The following COL11A1 variants were observed in gnomAD, a reference collection of about 807,000 sequenced individuals.
COL11A1 encodes the protein collagen type XI alpha 1 chain.
COL11A1 carries 74 observed loss-of-function variants against 265.2 expected under a neutral mutation model. That is an observed-to-expected ratio of 0.28 (90% CI 0.23 to 0.34). The LOEUF (loss-of-function observed/expected upper bound fraction) is 0.34, where lower values mean the gene tolerates loss of function less well. Ranked by LOEUF, COL11A1 falls within the 10% of genes least tolerant of loss-of-function variation. The pLI is 1.00. For missense variants in COL11A1, 2,165 were observed against 2,263.6 expected (o/e 0.96, Z 0.88); for synonymous variants, 816 against 727.6 (o/e 1.12, Z -1.96).
At chr1:102,973,738 T>C (rs968629279) in intron 36 of COL11A1, among the ~76,000 whole-genome samples, 2 of 152,276 alleles carry the variant, frequency 1.3e-5, no homozygotes, top group East Asian at 3.9e-4. Flanking sequence ...TTCTATAACC[T>C]TGTAATACAG....
chr1:102,981,212 T>C (rs966205490), intron 31 of COL11A1, among the ~76,000 whole-genome samples: 4 of 152,096 alleles, frequency 2.6e-5, no homozygotes. Context: ...AGAACAATTA[T>C]TAGGATGTGT....
chr1:103,012,563 C>A (rs1321605007), intron 13 of COL11A1, 94 bp from the exon 14 acceptor site: 3 of 883,608 alleles, frequency 3.4e-6, no homozygotes, highest in African/African-American at 3.3e-5. Flanking sequence ...TTAAGTAATA[C>A]ATGATCAACA....
At chr1:103,045,754 G>A (rs78875819) in intron 4 of COL11A1, among the ~76,000 whole-genome samples, 4,845 of 151,050 alleles carry the variant, frequency 0.032, 109 homozygotes, top group Middle Eastern at 0.087. Flanking sequence ...ATCTCCTAAT[G>A]CTATCCCTCC....
intron 1 of COL11A1, among the ~76,000 whole-genome samples, chr1:103,105,138 C>T (rs1044626524): frequency 1.3e-5 from 2 of 151,778 alleles, no homozygotes; most frequent in South Asian, 2.1e-4. Flanking sequence ...AAAACCCTTA[C>T]ATAAACTCAT....
At chr1:102,958,237 C>T (rs1384261679) in intron 41 of COL11A1, among the ~76,000 whole-genome samples, 1 of 152,008 alleles carries the variant, frequency 6.6e-6, no homozygotes, top group Non-Finnish European at 1.5e-5. Context: ...AATACTTCCC[C>T]TTTAATATTT....
At chr1:102,957,233 T>G (rs12136748) in intron 41 of COL11A1, among the ~76,000 whole-genome samples, 1 of 152,092 alleles carries the variant, frequency 6.6e-6, no homozygotes, top group South Asian at 2.1e-4. Flanking sequence ...TATAAATGAA[T>G]AGATAGAACA....
At chr1:102,883,099 A>G (rs1460198567) in intron 64 of COL11A1, 100 bp downstream of exon 64, 15 of 813,480 alleles carry the variant, frequency 1.8e-5, no homozygotes, top group Non-Finnish European at 2.8e-5. Context: ...AGAAAAGCAG[A>G]TAAATGAAAA....
At chr1:102,963,717 CT>C (rs1172270674) in intron 38 of COL11A1, among the ~76,000 whole-genome samples, 26 of 151,992 alleles carry the variant, frequency 1.7e-4, no homozygotes, top group Non-Finnish European at 2.8e-4. Flanking sequence ...GTTTAAATTT[CT>C]TTAATTATAC....
intron 54 of COL11A1, among the ~76,000 whole-genome samples, chr1:102,909,918 T>C (rs913551728): frequency 6.6e-6 from 1 of 151,966 alleles, no homozygotes; most frequent in Non-Finnish European, 1.5e-5. Flanking sequence ...TAATAAAGAA[T>C]AAAAATTTGC....
rs1232967796 is a variant in COL11A1 at position 102,915,671 on chromosome 1, T to G, written c.3776A>C (p.Glu1259Ala). 7 of 1,612,592 alleles carry G rather than the reference T, an allele frequency of 4.3e-6. No homozygotes were observed. In the South Asian group the frequency reaches 4.4e-5, roughly 10 times the overall value. Residue 1259 changes from glutamate (E) to alanine (A), a missense_variant, in exon 50 of 67, where the codon GAA becomes GCA. Transcript: ENST00000370096. ...GGVGEKGEPGEAGNPGPPGEA... is the reference protein window; with the variant it reads ...GGVGEKGEPGAAGNPGPPGEA... ...CCCAGGAGGCCCTGGGTTCCCTGCT[T>G]CTCCAGGTTCACCCTATATAGAGAA... is the stretch of plus-strand genomic sequence containing the variant.
chr1:102,925,894 T>C (rs1410411858), intron 46 of COL11A1, among the ~76,000 whole-genome samples: 1 of 152,072 alleles, frequency 6.6e-6, no homozygotes, highest in African/African-American at 2.4e-5. Flanking sequence ...ACATTCCTTA[T>C]TTTTTGTCCA....
chr1:102,905,441 G>A (rs929350427), intron 54 of COL11A1, among the ~76,000 whole-genome samples: 1 of 148,910 alleles, frequency 6.7e-6, no homozygotes, highest in Admixed American at 6.8e-5. Context: ...AGGAAGAAAA[G>A]AAGGAGGGAG....
intron 54 of COL11A1, among the ~76,000 whole-genome samples, chr1:102,900,170 A>C (rs776758039): frequency 6.6e-6 from 1 of 152,252 alleles, no homozygotes; most frequent in South Asian, 2.1e-4. Flanking sequence ...TCATTCCTAT[A>C]ACTATCTATT....
chr1:102,984,084 A>ATTAATATT (rs1663301042), intron 31 of COL11A1, 54 bp downstream of exon 31: 2 of 1,201,478 alleles, frequency 1.7e-6, no homozygotes, highest in Non-Finnish European at 2.5e-6. Flanking sequence ...ATCATAAGTG[A>ATTAATATT]TTAATATTAT....
intron 41 of COL11A1, among the ~76,000 whole-genome samples, chr1:102,961,331 G>T: frequency 6.6e-6 from 1 of 152,058 alleles, no homozygotes; most frequent in East Asian, 1.9e-4. Flanking sequence ...ATTAAATAAA[G>T]CAATATGCAT....
chr1:102,996,941 T>C lies in COL11A1; in HGVS notation c.2241+139A>G, dbSNP rs981338238. The C allele has an allele frequency of 6.8e-6, 5 of 734,112 alleles. No individual in the cohort carries two copies. In the African/African-American group the frequency reaches 9.0e-5, roughly 13 times the overall value. The allele number at this position is 734,112 out of a possible 1,614,324, so 45.5% of individuals were successfully genotyped here. The stretch of plus-strand genomic sequence containing the variant: ...AATTTCTAAAATTACTGATATAAAA[T>C]TAAAAGTAGTCTAAGATATCTTTTT... On this transcript the variant is annotated intron_variant, in intron 26 of 66. Coordinates refer to ENST00000370096, the MANE Select transcript of COL11A1 (RefSeq NM_001854.4).
intron 37 of COL11A1, among the ~76,000 whole-genome samples, chr1:102,967,421 T>C (rs1213976397): frequency 6.6e-6 from 1 of 151,826 alleles, no homozygotes; most frequent in Admixed American, 6.6e-5. Flanking sequence ...TTTGTAGTTT[T>C]AGTAGAGACG....
chr1:102,956,024 C>A (rs1660341331), intron 41 of COL11A1, among the ~76,000 whole-genome samples: 1 of 152,110 alleles, frequency 6.6e-6, no homozygotes, highest in African/African-American at 2.4e-5. Context: ...CGTCACAGCA[C>A]CCTATTGGTA....
chr1:102,999,025 AGAC>A (rs200385834), intron 24 of COL11A1, among the ~76,000 whole-genome samples: 3,092 of 152,026 alleles, frequency 0.02, 101 homozygotes, highest in African/African-American at 0.071. Context: ...TACAAGAATC[AGAC>A]CTTTTCTTGG....
Sources: allele counts gnomAD v4.1 joint callset (sites outside exome capture counted in the v4.1 genomes callset), GRCh38; gene constraint gnomAD v4.1.1; transcripts MANE v1.5; gene names NCBI Gene and HGNC (gene_info 2026-07-23, HGNC 2026-07-21).